NLRP8: variants seen among roughly 807,000 people sequenced by gnomAD.
NLRP8 encodes the protein NLR family pyrin domain containing 8.
In NLRP8, 86 loss-of-function variants were observed where a neutral mutation model predicts 88.7. That is an observed-to-expected ratio of 0.97 (90% confidence interval 0.81 to 1.16). The LOEUF (loss-of-function observed/expected upper bound fraction) is 1.16. Ranked by LOEUF, NLRP8 falls within the 50% of genes most tolerant of loss-of-function variation. NLRP8 has a pLI of 0.00. For missense variants in NLRP8, 1,342 were observed against 1,286.5 expected (o/e 1.04, Z -0.66); for synonymous variants, 504 against 494.6 (o/e 1.02, Z -0.25).
At chr19:55,961,192 G>A (rs1007920712) in intron 3 of NLRP8, among the ~76,000 whole-genome samples, 11 of 151,888 alleles carry the variant, frequency 7.2e-5, no homozygotes, top group African/African-American at 2.4e-4. Context: ...GTGAGCCACC[G>A]TGCCCGGCCA....
rs559895745 is a variant in NLRP8, at chr19:55,962,408, C to T, written c.2213+171C>T. Among the ~76,000 whole-genome samples the T allele has an allele frequency of 4.6e-5, 7 of 152,324 alleles. No individual in the cohort carries two copies. In the East Asian group the frequency reaches 9.6e-4, roughly 21 times the overall value. On this transcript the variant is annotated intron_variant, in intron 4 of 9. Transcript: ENST00000291971. ...ATGGGGTGCGTGGTGAAGGAAACCA[C>T]ACACGGGAGCCAGGCTGACGGCTCG...
intron 5 of NLRP8, among the ~76,000 whole-genome samples, chr19:55,967,183 G>A (rs182086797): frequency 4.6e-5 from 7 of 152,226 alleles, no homozygotes; most frequent in East Asian, 1.9e-4. Flanking sequence ...CTGTTAACCC[G>A]TTTATGCCCG....
At chr19:55,976,072 T>A (rs1382466962) in intron 7 of NLRP8, 61 bp from the exon 8 acceptor site, 1 of 1,350,070 alleles carries the variant, frequency 7.4e-7, no homozygotes, top group East Asian at 2.5e-5. Flanking sequence ...TCGTTGTTGT[T>A]GTTGTTGTTG....
At chr19:55,952,041 A>T (rs1299517594) in intron 1 of NLRP8, among the ~76,000 whole-genome samples, 1 of 152,134 alleles carries the variant, frequency 6.6e-6, no homozygotes, top group Non-Finnish European at 1.5e-5. Context: ...CGTGAGCCAC[A>T]GTGCCCAGCC....
intron 1 of NLRP8, among the ~76,000 whole-genome samples, chr19:55,951,487 T>C (rs1460267525): frequency 2.0e-5 from 3 of 152,314 alleles, no homozygotes; most frequent in Middle Eastern, 3.4e-3. Flanking sequence ...TATGTGTATG[T>C]AGAGATATAC....
chr19:55,957,189 T>C (rs983669001), intron 3 of NLRP8, among the ~76,000 whole-genome samples: 3 of 152,206 alleles, frequency 2.0e-5, no homozygotes, highest in Non-Finnish European at 4.4e-5. Flanking sequence ...ATCTGTCTTA[T>C]CCAATACAGG....
chr19:55,962,242 G>A lies in NLRP8; in HGVS notation c.2213+5G>A, dbSNP rs758473697. The A allele has an allele frequency of 6.2e-7, 1 of 1,610,286 alleles. No individual in the cohort carries two copies. Among genetic ancestry groups the A allele is most frequent in the African/African-American group, 1.3e-5 (1 of 74,620 alleles). On this transcript the variant is annotated splice_donor_5th_base_variant and intron_variant, in intron 4 of 9. Coordinates refer to ENST00000291971, the MANE Select transcript of NLRP8 (RefSeq NM_176811.2). ...GTGCAAACTGCAAAAGCTACTGTGAGTATAACACAAATCCCACTGGAAGGA... is the reference window on the plus strand; with the variant it reads ...GTGCAAACTGCAAAAGCTACTGTGAATATAACACAAATCCCACTGGAAGGA...
intron 2 of NLRP8, 40 bp from the exon 3 acceptor site, chr19:55,954,461 T>C (rs926205007): frequency 1.3e-6 from 2 of 1,585,198 alleles, no homozygotes; most frequent in Non-Finnish European, 1.7e-6. Context: ...CAATTCACTC[T>C]GATGTCATAC....
chr19:55,974,979 C>T (rs116258401), intron 7 of NLRP8, among the ~76,000 whole-genome samples: 19 of 152,170 alleles, frequency 1.2e-4, no homozygotes, highest in African/African-American at 4.1e-4. Context: ...TCCGAGATCA[C>T]GGTGCTCCTG....
At chr19:55,958,948 G>A (rs904188855) in intron 3 of NLRP8, among the ~76,000 whole-genome samples, 12 of 152,004 alleles carry the variant, frequency 7.9e-5, no homozygotes, top group East Asian at 5.8e-4. Flanking sequence ...GTGAGGTCTC[G>A]GATCACTGCA....
intron 6 of NLRP8, among the ~76,000 whole-genome samples, chr19:55,971,593 A>T (rs1488828015): frequency 1.3e-5 from 2 of 152,124 alleles, no homozygotes; most frequent in East Asian, 3.9e-4. Context: ...CCAAGAATTT[A>T]GTTATTCATT....
In NLRP8 at chr19:55,955,107, C is replaced by G. The variant is rs1390315664; in HGVS notation, c.1049C>G (p.Ser350Cys). The change falls in exon 3 of 10, where the codon TCT (serine) becomes TGT (cysteine). Residue 350 changes from serine (S) to cysteine (C), a missense_variant. Transcript: ENST00000291971. ...TGCAAGCCCTTGCTGAAATGTCCCT[C>G]TCTCGTAACCCTTCCGGGGTTTAAT... 2 of 1,614,120 alleles carry G rather than the reference C, an allele frequency of 1.2e-6. No homozygotes were observed. Among genetic ancestry groups the G allele is most frequent in the South Asian group, 2.2e-5 (2 of 91,080 alleles).
At chr19:55,979,727 G>A (rs1980495580) in intron 9 of NLRP8, among the ~76,000 whole-genome samples, 163 bp downstream of exon 9, 1 of 151,970 alleles carries the variant, frequency 6.6e-6, no homozygotes, top group African/African-American at 2.4e-5. Context: ...GACCAGCCTG[G>A]GCAACATTGC....
intron 6 of NLRP8, among the ~76,000 whole-genome samples, chr19:55,973,333 A>G (rs1980162219): frequency 6.6e-6 from 1 of 151,948 alleles, no homozygotes; most frequent in Non-Finnish European, 1.5e-5. Context: ...GATTCTGAAT[A>G]TTAGTCCTTT....
chr19:55,984,284 C>G (rs779414420), intron 9 of NLRP8, among the ~76,000 whole-genome samples: 24 of 152,144 alleles, frequency 1.6e-4, no homozygotes, highest in Non-Finnish European at 2.8e-4. Flanking sequence ...AAATGTATTA[C>G]TATGTACTAT....
At chr19:55,973,527 T>C in intron 6 of NLRP8, 125 bp from the exon 7 acceptor site, 1 of 764,244 alleles carries the variant, frequency 1.3e-6, no homozygotes, top group Non-Finnish European at 2.0e-6. Context: ...AAGTCCTGAG[T>C]GGTGATGACA....
rs1489745395 is a variant in NLRP8 at position 55,955,341 on chromosome 19, T to C, written c.1283T>C (p.Val428Ala). 1 of 1,614,134 alleles carries C rather than the reference T, an allele frequency of 6.2e-7. No individual in the cohort carries two copies. The highest frequency in any genetic ancestry group is 2.2e-5 in the East Asian group (1 of 44,880). Reference sequence around the variant, plus strand: ...TGTCCAAATGCCACCTCTGTGTTCGTCCGGTATATTTCTAGCTTGTTTCCC... The same window carrying C: ...TGTCCAAATGCCACCTCTGTGTTCGCCCGGTATATTTCTAGCTTGTTTCCC... The change falls in exon 3 of 10, where the codon GTC becomes GCC. Residue 428 changes from valine to alanine, a missense_variant. By Grantham distance (64) the Val-to-Ala change is moderately conservative. Coordinates refer to ENST00000291971, the MANE Select transcript of NLRP8 (RefSeq NM_176811.2).
At chr19:55,950,618 A>G (rs1979051143) in intron 1 of NLRP8, among the ~76,000 whole-genome samples, 1 of 152,252 alleles carries the variant, frequency 6.6e-6, no homozygotes, top group South Asian at 2.1e-4. Context: ...GCCGAGGTCA[A>G]ACAAGGTGAC....
At position 55,988,475 on chromosome 19, in the gene NLRP8, A is replaced by G. The variant is rs1257223217; in HGVS notation, c.*562A>G. 1 of 106,140 alleles carries G rather than the reference A, an allele frequency of 9.4e-6. No homozygotes were observed. The highest frequency in any genetic ancestry group is 2.0e-5 in the Non-Finnish European group (1 of 49,930). 6.6% of individuals were successfully genotyped at this position (106,140 alleles called of 1,614,324 possible). A position where few individuals can be genotyped will look rare whatever the true frequency, so the allele number is the denominator to read the frequency against. ...ATATATATATATATATATATGCTAT[A>G]TAAAGTTTAAATGAAATGCTTTGAG... On this transcript the variant is annotated 3_prime_UTR_variant, in exon 10 of 10. Transcript: ENST00000291971.
Sources: gnomAD v4.1 joint callset for allele counts (sites outside exome capture counted in the v4.1 genomes callset) on GRCh38, gnomAD v4.1.1 for gene constraint, MANE v1.5 for transcripts, NCBI Gene and HGNC (gene_info 2026-07-23, HGNC 2026-07-21) for gene names.